Variants in ZMYND8 observed in about 807,000 individuals in gnomAD.
ZMYND8 encodes MYND-type zinc finger-containing chromatin reader ZMYND8.
In ZMYND8, 37 loss-of-function variants were observed where a neutral mutation model predicts 140.8. That is an observed-to-expected ratio of 0.26 (90% CI 0.20 to 0.35). The LOEUF is 0.35. Ranked by LOEUF, ZMYND8 falls within the 10% of genes least tolerant of loss-of-function variation. The pLI is 1.00. For synonymous variants in ZMYND8, 592 were observed against 597.1 expected, an observed-to-expected ratio of 0.99 and a Z score of 0.12; for missense variants, 1,068 against 1,570.0, an observed-to-expected ratio of 0.68 and a Z score of 5.40.
intron 12 of ZMYND8, among the ~76,000 whole-genome samples, chr20:47,253,995 G>C (rs1423477488): frequency 6.6e-6 from 1 of 152,198 alleles, no homozygotes; most frequent in African/African-American, 2.4e-5. Context: ...CAGGAGTTTA[G>C]CCGAATGTAA....
intron 21 of ZMYND8, among the ~76,000 whole-genome samples, chr20:47,219,389 G>C (rs1418961932): frequency 6.6e-6 from 1 of 151,686 alleles, no homozygotes; most frequent in Non-Finnish European, 1.5e-5. Flanking sequence ...AGCCAGGCAT[G>C]GTGGTGCGTC....
intron 4 of ZMYND8, among the ~76,000 whole-genome samples, chr20:47,295,533 T>TA (rs1188455208): frequency 6.6e-6 from 1 of 152,222 alleles, no homozygotes; most frequent in African/African-American, 2.4e-5. Flanking sequence ...GACAAGGCAT[T>TA]AATTCAATGA....
At chr20:47,222,418 C>A (rs1174099015) in intron 19 of ZMYND8, among the ~76,000 whole-genome samples, 6 of 152,190 alleles carry the variant, frequency 3.9e-5, no homozygotes, top group African/African-American at 1.2e-4. Context: ...CACCTGTAGT[C>A]CCAGCTACTA....
chr20:47,322,610 T>C (rs949553322), intron 2 of ZMYND8, among the ~76,000 whole-genome samples: 1 of 151,758 alleles, frequency 6.6e-6, no homozygotes, highest in African/African-American at 2.4e-5. Flanking sequence ...CCATTTTCAC[T>C]ATGTTGGCCA....
intron 2 of ZMYND8, among the ~76,000 whole-genome samples, chr20:47,334,611 T>A (rs912559184): frequency 8.5e-4 from 125 of 147,552 alleles, no homozygotes; most frequent in African/African-American, 2.8e-3. Flanking sequence ...AAAAAATATA[T>A]ATATATATAT....
At chr20:47,271,254 A>G (rs2075926878) in intron 11 of ZMYND8, among the ~76,000 whole-genome samples, 1 of 152,154 alleles carries the variant, frequency 6.6e-6, no homozygotes, top group Admixed American at 6.5e-5. Context: ...TATGGGTAAC[A>G]TGGGTGTGTA....
At chr20:47,287,859 C>CGCACACAA (rs1569104279) in intron 7 of ZMYND8, among the ~76,000 whole-genome samples, 1 of 152,280 alleles carries the variant, frequency 6.6e-6, no homozygotes, top group East Asian at 1.9e-4. Context: ...CACGCACACA[C>CGCACACAA]GCACACACAT....
intron 3 of ZMYND8, among the ~76,000 whole-genome samples, chr20:47,308,510 C>T (rs1165996823): frequency 2.0e-5 from 3 of 152,132 alleles, no homozygotes; most frequent in African/African-American, 4.8e-5. Flanking sequence ...CATGAGCCAC[C>T]GCGCCTGGCC....
At chr20:47,335,862 C>A (rs142282969) in intron 2 of ZMYND8, among the ~76,000 whole-genome samples, 4 of 152,298 alleles carry the variant, frequency 2.6e-5, no homozygotes, top group African/African-American at 9.6e-5. Context: ...AATCAGACAT[C>A]TTCAGAGTTC....
intron 11 of ZMYND8, among the ~76,000 whole-genome samples, chr20:47,271,497 G>A (rs536351228): frequency 3.9e-5 from 6 of 152,256 alleles, no homozygotes; most frequent in East Asian, 1.9e-4. Context: ...GGAAAGAAAC[G>A]TATGTCTGCT....
chr20:47,232,300 G>C (rs1033016661), intron 16 of ZMYND8, among the ~76,000 whole-genome samples: 1 of 152,100 alleles, frequency 6.6e-6, no homozygotes, highest in Admixed American at 6.5e-5. Flanking sequence ...CTTGAATCTG[G>C]GAGGAAGAGT....
At chr20:47,252,777 G>A (rs948547072) in intron 12 of ZMYND8, among the ~76,000 whole-genome samples, 4 of 152,132 alleles carry the variant, frequency 2.6e-5, no homozygotes, top group African/African-American at 9.7e-5. Context: ...AAATTAGCCA[G>A]GCATGGTGGC....
chr20:47,263,742 CTAA>C (rs1482010723), intron 11 of ZMYND8, among the ~76,000 whole-genome samples: 1 of 152,186 alleles, frequency 6.6e-6, no homozygotes, highest in Non-Finnish European at 1.5e-5. Flanking sequence ...AAGAGAGACA[CTAA>C]TAATATGATA....
At chr20:47,309,322 T>C (rs76335270) in intron 3 of ZMYND8, among the ~76,000 whole-genome samples, 1 of 151,932 alleles carries the variant, frequency 6.6e-6, no homozygotes, top group African/African-American at 2.4e-5. Flanking sequence ...TTTTTTTTTT[T>C]CTGAGATAGA....
At chr20:47,315,908 G>C (rs1300659617) in intron 2 of ZMYND8, among the ~76,000 whole-genome samples, 1 of 152,196 alleles carries the variant, frequency 6.6e-6, no homozygotes, top group Non-Finnish European at 1.5e-5. Flanking sequence ...GAGGAATGCA[G>C]CCTTATGGAG....
In ZMYND8 at chr20:47,291,328, A is replaced by C. The variant is rs540523011; in HGVS notation, c.660+468T>G. Among the ~76,000 whole-genome samples, 59 of 152,358 alleles carry C rather than the reference A, an allele frequency of 3.9e-4. 1 individual carries two copies. Among genetic ancestry groups the C allele is most frequent in the Middle Eastern group, 6.8e-3 (2 of 294 alleles). ...ATTTTCAGCGTGGAATTTTAGCATG[A>C]ACTTTTAAAACCTTCAGGCATTCAA... is the stretch of plus-strand genomic sequence containing the variant. On this transcript the variant is annotated intron_variant, in intron 6 of 22. Coordinates refer to ENST00000471951, the MANE Select transcript of ZMYND8 (RefSeq NM_001281775.3).
At chr20:47,252,866 C>A (rs954635966) in intron 12 of ZMYND8, among the ~76,000 whole-genome samples, 2 of 152,136 alleles carry the variant, frequency 1.3e-5, no homozygotes, top group Non-Finnish European at 2.9e-5. Context: ...TTGCAGTGAG[C>A]CGAGATCAGG....
intron 17 of ZMYND8, among the ~76,000 whole-genome samples, chr20:47,229,130 C>T (rs182744465): frequency 6.6e-6 from 1 of 151,368 alleles, no homozygotes; most frequent in East Asian, 2.0e-4. Flanking sequence ...TACAGGAACA[C>T]ACCACCATCT....
chr20:47,285,708 G>C, intron 8 of ZMYND8: 1 of 985,318 alleles, frequency 1.0e-6, no homozygotes, highest in South Asian at 4.7e-5. Context: ...TGTTACTTAA[G>C]ATGCTGATAA....
Sources: allele counts gnomAD v4.1 joint callset (sites outside exome capture counted in the v4.1 genomes callset), GRCh38; gene constraint gnomAD v4.1.1; transcripts MANE v1.5; gene names NCBI Gene and HGNC (gene_info 2026-07-23, HGNC 2026-07-21).